Variants in SDCBP observed in about 807,000 individuals in gnomAD.
SDCBP encodes the protein syntenin-1.
Under a neutral mutation model 30.5 loss-of-function variants are expected in SDCBP, and 22 were observed. That is an observed-to-expected ratio of 0.72 (90% CI 0.52 to 1.03). SDCBP has a LOEUF of 1.03. Among genes scored for constraint, SDCBP ranks in the 50% least tolerant of loss-of-function variants. SDCBP has a pLI of 0.00. For missense variants in SDCBP, 304 were observed against 369.9 expected, an observed-to-expected ratio of 0.82 and a Z score of 1.46; for synonymous variants, 103 against 118.7, an observed-to-expected ratio of 0.87 and a Z score of 0.86.
rs922633469 is a variant in SDCBP, at chr8:58,572,870, G to A, written c.240+556G>A. On this transcript the variant is annotated intron_variant, in intron 4 of 8. Transcript: ENST00000260130. ...CACCCAGGCTGGAGTGCAATGGCGT[G>A]ATCTCGGCCCACTGCAACCTCCGCC... Among the ~76,000 whole-genome samples, 20 of 142,154 alleles carry A rather than the reference G, an allele frequency of 1.4e-4. 1 individual carries two copies. Among genetic ancestry groups the A allele is most frequent in the Admixed American group, 2.2e-4 (3 of 13,494 alleles). The allele number at this position is 142,154 out of a possible 152,430, so 93.3% of individuals were successfully genotyped here.
intron 1 of SDCBP, among the ~76,000 whole-genome samples, chr8:58,554,630 A>G (rs1335468600): frequency 6.6e-6 from 1 of 152,186 alleles, no homozygotes; most frequent in Non-Finnish European, 1.5e-5. Flanking sequence ...ACAAAAGGGG[A>G]AGAATTTGCT....
chr8:58,575,757 A>C (rs908083823), intron 4 of SDCBP, 143 bp from the exon 5 acceptor site: 1 of 648,102 alleles, frequency 1.5e-6, no homozygotes, highest in Non-Finnish European at 2.7e-6. Context: ...TGCCATTTTC[A>C]TAGACATCAA....
chr8:58,567,328 CAG>C (rs996141581), intron 2 of SDCBP, among the ~76,000 whole-genome samples: 3 of 152,114 alleles, frequency 2.0e-5, no homozygotes, highest in Non-Finnish European at 4.4e-5. Flanking sequence ...AATGAAAGAA[CAG>C]AAATTCATAA....
chr8:58,577,340 C>A (rs558037875), intron 5 of SDCBP, among the ~76,000 whole-genome samples: 1 of 152,302 alleles, frequency 6.6e-6, no homozygotes, highest in Non-Finnish European at 1.5e-5. Flanking sequence ...ATATTTTGTT[C>A]AACTTCTGAT....
At chr8:58,580,462 G>GT (rs1488261944) in intron 7 of SDCBP, 55 bp from the exon 8 acceptor site, 1 of 874,778 alleles carries the variant, frequency 1.1e-6, no homozygotes. Context: ...GCATAGTTTT[G>GT]TATTTATTAA....
intron 2 of SDCBP, among the ~76,000 whole-genome samples, chr8:58,567,083 A>G (rs1298598213): frequency 6.6e-6 from 1 of 151,996 alleles, no homozygotes; most frequent in Non-Finnish European, 1.5e-5. Context: ...CTTTCTGTTA[A>G]TGGCAGAAAC....
In SDCBP at chr8:58,580,347, A is replaced by G. The variant is rs1976162; in HGVS notation, c.751-170A>G. The stretch of plus-strand genomic sequence containing the variant: ...ATATTCAACTCAGTTTACTTAAGCA[A>G]TTTGGTTACTAGCTGTAAAATAGTG... On this transcript the variant is annotated intron_variant, in intron 7 of 8. Transcript: ENST00000260130. Among the ~76,000 whole-genome samples, 39,115 of 152,090 alleles carry G rather than the reference A, an allele frequency of 0.26. 5,737 individuals are homozygous for G. The highest frequency in any genetic ancestry group is 0.36 in the South Asian group (1,716 of 4,824).
chr8:58,570,561 A>G (rs536318472), intron 2 of SDCBP, among the ~76,000 whole-genome samples: 1 of 152,264 alleles, frequency 6.6e-6, no homozygotes, highest in East Asian at 1.9e-4. Context: ...AATAATGAAA[A>G]TGTAAAATTT....
chr8:58,569,878 A>G (rs926729695), intron 2 of SDCBP, among the ~76,000 whole-genome samples: 3 of 152,186 alleles, frequency 2.0e-5, no homozygotes, highest in Non-Finnish European at 2.9e-5. Context: ...GGATGACTCA[A>G]CAAGTATATC....
chr8:58,581,605 G>T, intron 8 of SDCBP, 81 bp from the exon 9 acceptor site: 2 of 1,019,754 alleles, frequency 2.0e-6, no homozygotes, highest in African/African-American at 1.6e-5. Flanking sequence ...AATTGGAATT[G>T]GGAATTTTCT....
chr8:58,578,098 C>G lies in SDCBP; in HGVS notation c.468C>G (p.Asp156Glu). 1.2e-6 allele frequency: 2 copies of G among 1,613,836 alleles called. No individual in the cohort carries two copies. The highest frequency in any genetic ancestry group is 1.7e-6 in the Non-Finnish European group (2 of 1,179,862). ...PASLVGLRFG[D>E]QVLQINGENC... ...CATTGGTTGGTCTGAGATTTGGGGA[C>G]CAAGTACTTCAGATCAATGGTGAAA... Residue 156 changes from aspartate (D) to glutamate (E), a missense_variant, in exon 6 of 9, where the codon GAC (aspartate) becomes GAG (glutamate). Asp to Glu is a conservative substitution (Grantham distance 45). Coordinates refer to ENST00000260130, the MANE Select transcript of SDCBP (RefSeq NM_005625.4).
chr8:58,565,252 T>C (rs2129607665), intron 2 of SDCBP, among the ~76,000 whole-genome samples, 168 bp downstream of exon 2: 1 of 152,214 alleles, frequency 6.6e-6, no homozygotes, highest in Admixed American at 6.5e-5. Context: ...ACAGAAAAAT[T>C]AGCAATTTTT....
At chr8:58,562,128 CA>C in intron 1 of SDCBP, among the ~76,000 whole-genome samples, 1 of 150,054 alleles carries the variant, frequency 6.7e-6, no homozygotes, top group East Asian at 2.0e-4. Context: ...AAAGGAAGGA[CA>C]AAAAAGTTTC....
chr8:58,555,842 C>G (rs112682968), intron 1 of SDCBP, among the ~76,000 whole-genome samples: 5,085 of 151,642 alleles, frequency 0.034, 98 homozygotes, highest in Non-Finnish European at 0.043. Flanking sequence ...TCTGAAAGTG[C>G]TAGGATTACA....
chr8:58,554,961 C>G (rs1004171326), intron 1 of SDCBP, among the ~76,000 whole-genome samples: 3 of 152,140 alleles, frequency 2.0e-5, no homozygotes, highest in Non-Finnish European at 4.4e-5. Context: ...GGCAGGCAGG[C>G]AACTTTTTTA....
chr8:58,565,132 T>C, intron 2 of SDCBP, 48 bp downstream of exon 2: 2 of 971,644 alleles, frequency 2.1e-6, no homozygotes, highest in South Asian at 3.3e-5. Context: ...GTAACATGCA[T>C]TCTACTTATA....
chr8:58,575,876 A>G, intron 4 of SDCBP, 24 bp from the exon 5 acceptor site: 3 of 1,577,912 alleles, frequency 1.9e-6, no homozygotes, highest in Non-Finnish European at 2.6e-6. Context: ...CTAGATATTG[A>G]CACATTGTAT....
chr8:58,580,422 CAT>C, intron 7 of SDCBP, 93 bp from the exon 8 acceptor site: 1 of 673,702 alleles, frequency 1.5e-6, no homozygotes. Flanking sequence ...AATACCAAGA[CAT>C]ATATTTTGTA....
At chr8:58,572,350 A>T in intron 4 of SDCBP, 36 bp downstream of exon 4, 2 of 1,339,990 alleles carry the variant, frequency 1.5e-6, no homozygotes, top group African/African-American at 1.4e-5. Flanking sequence ...TTTATATAAA[A>T]TCATACTTTA....
Sources: allele counts gnomAD v4.1 joint callset (sites outside exome capture counted in the v4.1 genomes callset), GRCh38; gene constraint gnomAD v4.1.1; transcripts MANE v1.5; gene names NCBI Gene and HGNC (gene_info 2026-07-23, HGNC 2026-07-21).